Variants in RALYL observed in about 807,000 individuals in gnomAD.
RALYL encodes RALY RNA binding protein like, also known as RNA-binding Raly-like protein.
RALYL carries 29 observed loss-of-function variants against 35.1 expected under a neutral mutation model. The observed-to-expected ratio is 0.83, with a 90% CI of 0.61 to 1.13. The LOEUF is 1.13. Among genes scored for constraint, RALYL ranks in the 50% most tolerant of loss-of-function variants. RALYL has a pLI of 0.00. For missense variants in RALYL, 359 were observed against 360.4 expected, an observed-to-expected ratio of 1.00 and a Z score of 0.03; for synonymous variants, 120 against 127.6, an observed-to-expected ratio of 0.94 and a Z score of 0.40.
At chr8:84,248,010 TAA>T (rs1217243396) in intron 1 of RALYL, among the ~76,000 whole-genome samples, 2 of 152,306 alleles carry the variant, frequency 1.3e-5, no homozygotes, top group African/African-American at 4.8e-5. Flanking sequence ...TTTTTGTGCT[TAA>T]GTTTACTAAA....
intron 1 of RALYL, among the ~76,000 whole-genome samples, chr8:84,431,120 T>C (rs1002962291): frequency 1.4e-4 from 22 of 152,168 alleles, no homozygotes; most frequent in African/African-American, 5.1e-4. Context: ...ACTTACAGTG[T>C]GCCTGGGATC....
At chr8:84,804,303 G>A (rs969092588) in intron 3 of RALYL, among the ~76,000 whole-genome samples, 1 of 152,142 alleles carries the variant, frequency 6.6e-6, no homozygotes, top group African/African-American at 2.4e-5. Flanking sequence ...ACCCTAAGGG[G>A]TGTTAAGACC....
chr8:84,230,906 C>A (rs1825183228), intron 1 of RALYL, among the ~76,000 whole-genome samples: 1 of 152,220 alleles, frequency 6.6e-6, no homozygotes, highest in South Asian at 2.1e-4. Context: ...TCTCTGATTT[C>A]AAAGCCCATG....
chr8:84,341,847 A>G (rs997006358), intron 1 of RALYL, among the ~76,000 whole-genome samples: 2 of 152,074 alleles, frequency 1.3e-5, no homozygotes, highest in South Asian at 4.1e-4. Flanking sequence ...CAAAGTAATC[A>G]ATATCTATCA....
chr8:84,886,350 C>CA (rs1403542523), intron 7 of RALYL, among the ~76,000 whole-genome samples: 2 of 152,116 alleles, frequency 1.3e-5, no homozygotes, highest in African/African-American at 4.8e-5. Flanking sequence ...GGTGCTGAGA[C>CA]AAAATGTTTA....
intron 2 of RALYL, among the ~76,000 whole-genome samples, chr8:84,589,375 A>G (rs1812726933): frequency 2.0e-5 from 3 of 152,240 alleles, no homozygotes; most frequent in Admixed American, 2.0e-4. Flanking sequence ...TACAGAGATC[A>G]TGTTTAATTT....
At chr8:84,368,542 A>C (rs148419410) in intron 1 of RALYL, among the ~76,000 whole-genome samples, 2 of 152,282 alleles carry the variant, frequency 1.3e-5, no homozygotes, top group East Asian at 3.9e-4. Context: ...AAAGAGGTTT[A>C]ATGGACTCAC....
chr8:84,247,701 T>C (rs748390629), intron 1 of RALYL, among the ~76,000 whole-genome samples: 2 of 152,126 alleles, frequency 1.3e-5, no homozygotes, highest in Admixed American at 6.6e-5. Flanking sequence ...TTCCAAGAGC[T>C]TATAATAAAG....
At chr8:84,505,253 A>C (rs1564052479) in intron 1 of RALYL, among the ~76,000 whole-genome samples, 1 of 152,152 alleles carries the variant, frequency 6.6e-6, no homozygotes, top group Non-Finnish European at 1.5e-5. Context: ...AGATTCCAGA[A>C]ACATTTTCCT....
At chr8:84,895,020 A>G (rs1222773770) in intron 8 of RALYL, among the ~76,000 whole-genome samples, 2 of 152,146 alleles carry the variant, frequency 1.3e-5, no homozygotes, top group African/African-American at 2.4e-5. Context: ...CTGGCTCACA[A>G]TTGCCATGAG....
intron 2 of RALYL, among the ~76,000 whole-genome samples, chr8:84,725,053 T>C (rs948879256): frequency 1.3e-5 from 2 of 151,666 alleles, no homozygotes; most frequent in African/African-American, 4.8e-5. Context: ...AAGGTGGTTA[T>C]ATATATTTCA....
intron 2 of RALYL, among the ~76,000 whole-genome samples, chr8:84,588,117 C>A (rs1429869126): frequency 6.6e-6 from 1 of 152,104 alleles, no homozygotes; most frequent in Non-Finnish European, 1.5e-5. Flanking sequence ...CTCTCCTCAG[C>A]TGGTGAAGTG....
intron 2 of RALYL, among the ~76,000 whole-genome samples, chr8:84,673,072 C>G (rs1833568848): frequency 6.6e-6 from 1 of 152,144 alleles, no homozygotes; most frequent in Non-Finnish European, 1.5e-5. Flanking sequence ...GTTATTCTGA[C>G]TGGTGTTAGA....
rs778327186 is a variant in RALYL at position 84,529,597 on chromosome 8, G to A, written c.256+20G>A. The A allele has an allele frequency of 5.0e-6, 8 of 1,594,840 alleles. No individual in the cohort carries two copies. In the Admixed American group the frequency reaches 1.3e-4, roughly 27 times the overall value. On this transcript the variant is annotated intron_variant, in intron 2 of 8. Transcript: ENST00000521268. ...CACTTGGTAAGTCATGCTCAGACAT[G>A]GATCTCACGTTATTGTTCATATATC... is the stretch of plus-strand genomic sequence containing the variant.
chr8:84,391,773 A>T (rs1327105780), intron 1 of RALYL, among the ~76,000 whole-genome samples: 1 of 152,046 alleles, frequency 6.6e-6, no homozygotes, highest in East Asian at 1.9e-4. Context: ...TACCTAGCTC[A>T]TTCTGAGACT....
At chr8:84,442,462 G>T (rs2048431480) in intron 1 of RALYL, among the ~76,000 whole-genome samples, 1 of 151,772 alleles carries the variant, frequency 6.6e-6, no homozygotes, top group Admixed American at 6.6e-5. Flanking sequence ...ATTTTTGCTT[G>T]CCTTCTACAT....
chr8:84,496,239 A>G (rs2056003184), intron 1 of RALYL, among the ~76,000 whole-genome samples: 1 of 152,122 alleles, frequency 6.6e-6, no homozygotes, highest in South Asian at 2.1e-4. Context: ...GTGTTAGTGT[A>G]TATTGGTCCA....
At chr8:84,572,866 C>G (rs1411268116) in intron 2 of RALYL, among the ~76,000 whole-genome samples, 1 of 151,090 alleles carries the variant, frequency 6.6e-6, no homozygotes, top group Admixed American at 6.6e-5. Flanking sequence ...GTTCTATTTC[C>G]TTTTTTTTCC....
rs2047535757 is a variant in RALYL at position 84,434,914 on chromosome 8, G to A, written c.-23-94385G>A. Among the ~76,000 whole-genome samples, 3 of 152,132 alleles carry A rather than the reference G, an allele frequency of 2.0e-5. 1 individual carries two copies. The highest frequency in any genetic ancestry group is 4.1e-4 in the South Asian group (2 of 4,828). On this transcript the variant is annotated intron_variant, in intron 1 of 8. Transcript: ENST00000521268. Reference sequence around the variant, plus strand: ...TAATATTGATTTGGATTTGAATATAGTAATCCCTATTATTTCAAGTAATAA... The same window carrying A: ...TAATATTGATTTGGATTTGAATATAATAATCCCTATTATTTCAAGTAATAA...
Sources: allele counts gnomAD v4.1 joint callset (sites outside exome capture counted in the v4.1 genomes callset), GRCh38; gene constraint gnomAD v4.1.1; transcripts MANE v1.5; gene names NCBI Gene and HGNC (gene_info 2026-07-23, HGNC 2026-07-21).